SV2C: variants seen among roughly 807,000 people sequenced by gnomAD.
SV2C encodes the protein solute carrier family 22 member B3.
SV2C carries 49 observed loss-of-function variants against 79.7 expected under a neutral mutation model. The observed-to-expected ratio is 0.61, with a 90% confidence interval of 0.49 to 0.78. The LOEUF (loss-of-function observed/expected upper bound fraction) is 0.78, where lower values mean the gene tolerates loss of function less well. Among genes scored for constraint, SV2C ranks in the 30% least tolerant of loss-of-function variants. The pLI is 0.00. For synonymous variants in SV2C, 334 were observed against 333.2 expected (o/e 1.00, Z -0.03); for missense variants, 833 against 912.9 (o/e 0.91, Z 1.13).
chr5:76,258,560 T>C (rs555879789), intron 4 of SV2C, among the ~76,000 whole-genome samples: 57 of 152,302 alleles, frequency 3.7e-4, no homozygotes, highest in African/African-American at 1.3e-3. Flanking sequence ...TCCACAGCAA[T>C]ACCATTTTGA....
exon 13 of SV2C, chr5:76,353,676 G>A (rs1168195467): frequency 6.6e-6 from 1 of 152,154 alleles, no homozygotes; most frequent in South Asian, 2.1e-4. Context: ...ACTTGCCCAG[G>A]GGCCTTTGTT....
At chr5:76,173,507 G>T (rs533306989) in intron 2 of SV2C, 13 of 964,948 alleles carry the variant, frequency 1.3e-5, no homozygotes, top group South Asian at 1.3e-4. Flanking sequence ...CCTCTTAAAG[G>T]GTACCACCAC....
At chr5:75,904,385 A>G in the SV2C span, among the ~76,000 whole-genome samples, 1 of 146,842 alleles carries the variant, frequency 6.8e-6, no homozygotes, top group South Asian at 2.1e-4. Flanking sequence ...AAAACAAAAC[A>G]AAACAAAACA....
the SV2C span, among the ~76,000 whole-genome samples, chr5:75,935,396 A>C: frequency 6.6e-6 from 1 of 152,220 alleles, no homozygotes; most frequent in Non-Finnish European, 1.5e-5. Context: ...ACTTGGAATT[A>C]GCTCTGAAAG....
intron 4 of SV2C, among the ~76,000 whole-genome samples, chr5:76,257,263 ATGTGTG>A (rs59644660): frequency 0.45 from 60,253 of 134,570 alleles, 13,892 homozygotes; most frequent in South Asian, 0.56. Context: ...GCTGTAGTGT[ATGTGTG>A]TGTGTGTGTG....
At chr5:75,966,882 T>C in the SV2C span, among the ~76,000 whole-genome samples, 1 of 152,146 alleles carries the variant, frequency 6.6e-6, no homozygotes, top group African/African-American at 2.4e-5. Flanking sequence ...AAGCACAGTC[T>C]CAAGACAGAT....
the SV2C span, among the ~76,000 whole-genome samples, chr5:76,027,021 A>C: frequency 2.0e-5 from 3 of 151,232 alleles, no homozygotes; most frequent in East Asian, 5.8e-4. Flanking sequence ...AATTTGGGTA[A>C]ACTTTATTTT....
At chr5:76,278,483 G>A (rs908903128) in intron 4 of SV2C, among the ~76,000 whole-genome samples, 2 of 152,124 alleles carry the variant, frequency 1.3e-5, no homozygotes, top group Admixed American at 6.5e-5. Flanking sequence ...GTCCAGACCA[G>A]GAAAACATCA....
At chr5:75,947,357 TTCTC>T in the SV2C span, among the ~76,000 whole-genome samples, 1 of 151,986 alleles carries the variant, frequency 6.6e-6, no homozygotes, top group Non-Finnish European at 1.5e-5. Context: ...TATTTTTTCT[TTCTC>T]TTCCTGCAGC....
chr5:76,130,661 G>T (rs1383316906), intron 1 of SV2C, among the ~76,000 whole-genome samples: 1 of 152,112 alleles, frequency 6.6e-6, no homozygotes, highest in Non-Finnish European at 1.5e-5. Context: ...TGGAATATAA[G>T]TTACCTTGAG....
rs182782997 is a variant in SV2C, at chr5:76,210,590, C to T, written c.913+703C>T. On this transcript the variant is annotated intron_variant, in intron 4 of 12. Coordinates refer to ENST00000502798, the MANE Select transcript of SV2C (RefSeq NM_014979.4). ...CCACATGTTCAACAACCCAAAAGCT[C>T]TCCAAACTCCATAGTTCAGGGATTT... 1.4e-4 allele frequency among the ~76,000 whole-genome samples: 21 copies of T among 152,332 alleles called. No individual in the cohort carries two copies. The East Asian group carries it at 3.9e-3, about 28-fold the overall frequency.
At chr5:76,134,196 C>T (rs1748993036) in intron 2 of SV2C, among the ~76,000 whole-genome samples, 1 of 152,104 alleles carries the variant, frequency 6.6e-6, no homozygotes, top group Admixed American at 6.5e-5. Flanking sequence ...TCTCATCTGC[C>T]CATAAATGTT....
chr5:75,910,538 T>A, the SV2C span: 13 of 644,794 alleles, frequency 2.0e-5, no homozygotes, highest in Non-Finnish European at 3.7e-5. Context: ...TTGTTCAAAT[T>A]GTTCACCTTT....
chr5:75,929,214 C>A, the SV2C span, among the ~76,000 whole-genome samples: 3 of 152,030 alleles, frequency 2.0e-5, no homozygotes, highest in Non-Finnish European at 4.4e-5. Context: ...TCTGTCCTCT[C>A]AAACACATCA....
At chr5:75,897,783 C>T in the SV2C span, among the ~76,000 whole-genome samples, 14 of 151,928 alleles carry the variant, frequency 9.2e-5, no homozygotes, top group East Asian at 2.3e-3. Context: ...AGGTCCTTCA[C>T]GTCCCTTGTA....
chr5:75,978,862 G>A, the SV2C span, among the ~76,000 whole-genome samples: 11 of 152,208 alleles, frequency 7.2e-5, no homozygotes, highest in Admixed American at 6.5e-4. Context: ...TGAGGCTTAG[G>A]AGGATAGATG....
At chr5:75,943,311 G>A in the SV2C span, among the ~76,000 whole-genome samples, 2 of 152,166 alleles carry the variant, frequency 1.3e-5, no homozygotes, top group African/African-American at 4.8e-5. Flanking sequence ...ATGGTTATTA[G>A]TCTTATGTAG....
At chr5:75,988,921 C>T in the SV2C span, among the ~76,000 whole-genome samples, 6 of 152,008 alleles carry the variant, frequency 3.9e-5, no homozygotes, top group African/African-American at 1.4e-4. Flanking sequence ...GCAAACAGAC[C>T]TCACTGCATT....
chr5:76,042,737 T>G, the SV2C span, among the ~76,000 whole-genome samples: 1 of 152,218 alleles, frequency 6.6e-6, no homozygotes, highest in African/African-American at 2.4e-5. Flanking sequence ...TTGGACCTCC[T>G]TTCTCCAATT....
Sources: allele counts gnomAD v4.1 joint callset (sites outside exome capture counted in the v4.1 genomes callset), GRCh38; gene constraint gnomAD v4.1.1; transcripts MANE v1.5; gene names NCBI Gene and HGNC (gene_info 2026-07-23, HGNC 2026-07-21).